Variants in ATP2C1 observed in about 807,000 individuals in gnomAD.
ATP2C1 encodes ATPase secretory pathway Ca2+ transporting 1.
Under a neutral mutation model 120.5 loss-of-function variants are expected in ATP2C1, and 31 were observed. That is an observed-to-expected ratio of 0.26 (90% CI 0.19 to 0.35). The LOEUF is 0.35. ATP2C1 is among the 10% of genes least tolerant of loss of function. The pLI is 1.00. For missense variants in ATP2C1, 731 were observed against 1,107.5 expected (o/e 0.66, Z 4.83); for synonymous variants, 351 against 358.7 (o/e 0.98, Z 0.24).
intron 1 of ATP2C1, among the ~76,000 whole-genome samples, chr3:130,889,053 G>C (rs968694810): frequency 3.3e-5 from 5 of 152,214 alleles, no homozygotes; most frequent in African/African-American, 1.2e-4. Context: ...CCGGGTTGTA[G>C]GTGGCTGGAG....
upstream of ATP2C1, among the ~76,000 whole-genome samples, chr3:130,889,721 C>T (rs2107862026): frequency 7.0e-6 from 1 of 143,770 alleles, no homozygotes; most frequent in East Asian, 2.2e-4. Context: ...TTACAGCTCA[C>T]TGCAGCTTTG....
intron 1 of ATP2C1, among the ~76,000 whole-genome samples, chr3:130,853,107 G>A (rs745762585): frequency 6.6e-6 from 1 of 152,096 alleles, no homozygotes; most frequent in Admixed American, 6.6e-5. Flanking sequence ...CACATTATTA[G>A]AGTTTATTTA....
intron 17 of ATP2C1, among the ~76,000 whole-genome samples, chr3:130,971,273 T>C (rs1559992617): frequency 6.6e-6 from 1 of 152,208 alleles, no homozygotes; most frequent in Non-Finnish European, 1.5e-5. Context: ...CATTGGAAGA[T>C]TAAATCTTCT....
In ATP2C1 at chr3:130,979,286, G is replaced by C. The variant is rs747870414; in HGVS notation, c.1608G>C (p.Leu536=). ...ALASGPELGQ[L]TFLGLVGIID... is the part of the protein sequence containing the mutation. ...CTTCTGGTCCTGAACTGGGACAGCT[G>C]ACATTTCTTGGCTTGGTGGGAATCA... Residue 536 remains leucine (L), a synonymous_variant, in exon 19 of 28, where the codon CTG becomes CTC. Coordinates refer to ENST00000510168, the MANE Select transcript of ATP2C1 (RefSeq NM_001378687.1). 1.2e-6 allele frequency: 2 copies of C among 1,613,602 alleles called. No homozygotes were observed. The highest frequency in any genetic ancestry group is 1.7e-6 in the Non-Finnish European group (2 of 1,179,732).
At chr3:130,872,732 C>A (rs1182806299) in intron 1 of ATP2C1, among the ~76,000 whole-genome samples, 2 of 152,038 alleles carry the variant, frequency 1.3e-5, no homozygotes, top group Non-Finnish European at 2.9e-5. Flanking sequence ...TTACGGGCAC[C>A]TACCACCACA....
chr3:130,855,628 C>G (rs1322898606), intron 1 of ATP2C1, among the ~76,000 whole-genome samples: 4 of 152,110 alleles, frequency 2.6e-5, no homozygotes, highest in Non-Finnish European at 4.4e-5. Context: ...GCTTGACTCT[C>G]ATTCTGTTAT....
At chr3:131,015,101 A>G in intron 26 of ATP2C1, 2 of 583,524 alleles carry the variant, frequency 3.4e-6, no homozygotes, top group Non-Finnish European at 6.1e-6. Flanking sequence ...GTCAAAGGCC[A>G]ATTAGTCTTA....
chr3:130,919,242 T>C (rs2685176), intron 2 of ATP2C1: 29,186 of 170,790 alleles, frequency 0.17, 2,866 homozygotes, highest in Middle Eastern at 0.24. Flanking sequence ...TTTTTTTTTA[T>C]TGAGAGAGTT....
chr3:130,985,635 C>T (rs2061970138), intron 20 of ATP2C1, among the ~76,000 whole-genome samples: 1 of 150,212 alleles, frequency 6.7e-6, no homozygotes, highest in African/African-American at 2.4e-5. Context: ...ACTCCTTCCC[C>T]CACCCCACCT....
intron 8 of ATP2C1, among the ~76,000 whole-genome samples, chr3:130,951,048 A>C (rs942601418): frequency 4.6e-5 from 7 of 152,146 alleles, no homozygotes; most frequent in Non-Finnish European, 8.8e-5. Context: ...TCTCTTTCCT[A>C]ATTAAGATCT....
intron 1 of ATP2C1, chr3:130,856,187 A>T (rs1469438147): frequency 1.3e-5 from 2 of 152,250 alleles, no homozygotes; most frequent in Admixed American, 1.3e-4. Flanking sequence ...AAATGTTTCT[A>T]GTTGGAACGG....
intron 2 of ATP2C1, among the ~76,000 whole-genome samples, chr3:130,915,891 TTC>T (rs1360820546): frequency 1.3e-5 from 2 of 152,216 alleles, no homozygotes; most frequent in African/African-American, 4.8e-5. Flanking sequence ...GCCTGAGGCG[TTC>T]TGAGTCAGTC....
chr3:130,972,356 A>G (rs892589753), intron 17 of ATP2C1, among the ~76,000 whole-genome samples: 1 of 152,008 alleles, frequency 6.6e-6, no homozygotes, highest in Non-Finnish European at 1.5e-5. Context: ...CTCTTTGTTC[A>G]TTGGAAGCAC....
intron 17 of ATP2C1, among the ~76,000 whole-genome samples, chr3:130,972,954 A>T (rs970659495): frequency 2.6e-5 from 4 of 152,148 alleles, no homozygotes; most frequent in Non-Finnish European, 5.9e-5. Flanking sequence ...TGCTGAAGAA[A>T]ATTTCCAAAA....
At chr3:130,941,222 CAGTGTGTGTG>C (rs1313521323) in intron 7 of ATP2C1, among the ~76,000 whole-genome samples, 54 of 105,220 alleles carry the variant, frequency 5.1e-4, no homozygotes, top group African/African-American at 1.8e-3. Context: ...CTGTATTTAA[CAGTGTGTGTG>C]TGTGTGTGTG....
intron 16 of ATP2C1, 74 bp downstream of exon 16, chr3:130,967,493 A>G (rs563326007): frequency 3.8e-4 from 481 of 1,258,214 alleles, no homozygotes; most frequent in Non-Finnish European, 3.0e-4. Flanking sequence ...CATCAATTTC[A>G]GTATTACTGG....
At chr3:130,983,674 A>G (rs2061873481) in intron 20 of ATP2C1, among the ~76,000 whole-genome samples, 1 of 151,610 alleles carries the variant, frequency 6.6e-6, no homozygotes, top group Non-Finnish European at 1.5e-5. Context: ...ATCCCTCCCC[A>G]CTCCGCTTGA....
intron 1 of ATP2C1, among the ~76,000 whole-genome samples, chr3:130,872,020 C>T (rs1156709605): frequency 5.4e-5 from 3 of 55,612 alleles, no homozygotes; most frequent in Admixed American, 4.0e-4. Flanking sequence ...GAAACTCTGT[C>T]TCAAAAAAAA....
chr3:130,953,938 GC>G lies in ATP2C1; in HGVS notation c.651del (p.Phe218LeufsTer30). On this transcript the variant is annotated frameshift_variant, in exon 9 of 28. Coordinates refer to ENST00000510168, the MANE Select transcript of ATP2C1 (RefSeq NM_001378687.1). LOFTEE classifies it high-confidence loss of function. ...AGATCTTGCATCGAGAAGTAACATT[GC>G]CTTTATGGGAACACTGGTCAGATGT... is the stretch of plus-strand genomic sequence containing the variant. ...NGDLASRSNI[A>X]FMGTLVRCGK... is the part of the protein sequence containing the mutation. 6.2e-7 allele frequency: 1 copy of G among 1,614,038 alleles called. No individual in the cohort carries two copies. The highest frequency in any genetic ancestry group is 8.5e-7 in the Non-Finnish European group (1 of 1,179,968).
Sources: gnomAD v4.1 joint callset for allele counts (sites outside exome capture counted in the v4.1 genomes callset) on GRCh38, gnomAD v4.1.1 for gene constraint, MANE v1.5 for transcripts, NCBI Gene and HGNC (gene_info 2026-07-23, HGNC 2026-07-21) for gene names.